Variants in TNFAIP8L3 observed in about 807,000 individuals in gnomAD.
The protein encoded by TNFAIP8L3 is tumor necrosis factor alpha-induced protein 8-like protein 3.
Under a neutral mutation model 11.8 loss-of-function variants are expected in TNFAIP8L3, and 7 were observed. The ratio of observed to expected loss-of-function variants is 0.59; its 90% CI spans 0.34 to 1.11. The LOEUF is 1.11. Among genes scored for constraint, TNFAIP8L3 ranks in the 50% most tolerant of loss-of-function variants. The pLI, the probability that TNFAIP8L3 is intolerant of heterozygous loss-of-function variation, is 0.03. For synonymous variants in TNFAIP8L3, 98 were observed against 103.8 expected (o/e 0.94, Z 0.34); for missense variants, 219 against 258.6 (o/e 0.85, Z 1.05).
intron 1 of TNFAIP8L3, among the ~76,000 whole-genome samples, chr15:51,102,128 A>G (rs562261858): frequency 6.6e-6 from 1 of 152,056 alleles, no homozygotes; most frequent in South Asian, 2.1e-4. Flanking sequence ...GACTTTTTGG[A>G]TTCCTTTGGA....
At chr15:51,068,206 C>T (rs2065284135) in intron 1 of TNFAIP8L3, among the ~76,000 whole-genome samples, 1 of 152,034 alleles carries the variant, frequency 6.6e-6, no homozygotes, top group Non-Finnish European at 1.5e-5. Context: ...TCAAGGATGA[C>T]GATGAGTTGT....
chr15:51,105,186 G>A (rs1322398635), exon 1 of TNFAIP8L3: 2 of 1,612,666 alleles, frequency 1.2e-6, no homozygotes, highest in Admixed American at 1.7e-5. Context: ...TTTGGACTCA[G>A]GTGTCCTTCT....
intron 1 of TNFAIP8L3, among the ~76,000 whole-genome samples, chr15:51,084,183 G>GGTGTGTGT (rs59399155): frequency 6.6e-6 from 1 of 150,420 alleles, no homozygotes; most frequent in East Asian, 2.0e-4. Context: ...GATGTATAGG[G>GGTGTGTGT]GTGTGTGTGT....
At chr15:51,063,212 AG>A (rs1012689709) in intron 1 of TNFAIP8L3, among the ~76,000 whole-genome samples, 7 of 152,242 alleles carry the variant, frequency 4.6e-5, no homozygotes, top group Non-Finnish European at 8.8e-5. Context: ...AATTTGTTAC[AG>A]CAGCAATAGG....
chr15:51,072,828 G>A (rs1550336), intron 1 of TNFAIP8L3, among the ~76,000 whole-genome samples: 90,867 of 151,650 alleles, frequency 0.6, 27,362 homozygotes, highest in Non-Finnish European at 0.62. Flanking sequence ...AATATAACTC[G>A]TAAGTCATGA....
At chr15:51,065,500 G>C (rs2065264857) in intron 1 of TNFAIP8L3, among the ~76,000 whole-genome samples, 1 of 152,198 alleles carries the variant, frequency 6.6e-6, no homozygotes, top group African/African-American at 2.4e-5. Flanking sequence ...TCTTTACCAA[G>C]CTGGGTGAGT....
At chr15:51,099,653 G>A (rs1441068058), upstream of TNFAIP8L3, among the ~76,000 whole-genome samples, 1 of 151,660 alleles carries the variant, frequency 6.6e-6, no homozygotes, top group Non-Finnish European at 1.5e-5. Context: ...CTCCACTGCT[G>A]CATGAGAGCT....
chr15:51,095,139 A>T (rs1165161395), upstream of TNFAIP8L3, among the ~76,000 whole-genome samples: 5 of 146,816 alleles, frequency 3.4e-5, no homozygotes, highest in Admixed American at 3.5e-4. Context: ...TGGGGTTGCC[A>T]GGGTTCGAGT....
At chr15:51,062,828 CCA>C (rs2065249321) in intron 1 of TNFAIP8L3, among the ~76,000 whole-genome samples, 1 of 152,098 alleles carries the variant, frequency 6.6e-6, no homozygotes, top group African/African-American at 2.4e-5. Flanking sequence ...CCAGAGATAT[CCA>C]CATTCTCATA....
intron 1 of TNFAIP8L3, among the ~76,000 whole-genome samples, chr15:51,074,776 A>C (rs1027573747): frequency 2.0e-5 from 3 of 152,204 alleles, no homozygotes; most frequent in Non-Finnish European, 2.9e-5. Flanking sequence ...AGCTGAATCC[A>C]GTGGACCCTC....
rs1419112971 is a variant in TNFAIP8L3 at position 51,094,801 on chromosome 15, C to T, written c.-206G>A. 1.4e-6 allele frequency: 1 copy of T among 712,148 alleles called. No homozygotes were observed. Among genetic ancestry groups the T allele is most frequent in the South Asian group, 6.4e-5 (1 of 15,748 alleles). 44.1% of individuals were successfully genotyped at this position (712,148 alleles called of 1,614,324 possible). On this transcript the variant is annotated 5_prime_UTR_variant, in exon 1 of 2. Coordinates refer to ENST00000637513, the MANE Select transcript of TNFAIP8L3 (RefSeq NM_001311175.2). The surrounding 1 kb of genome is among the most constrained non-coding windows in gnomAD (Gnocchi z 4.4). ...CGCCCCGCTCCCCGCGCCCGCCGGC[C>T]GGTGCCTGCGCGCGAGGCGAGCGCA...
chr15:51,059,907 C>G (rs773552162), intron 1 of TNFAIP8L3, among the ~76,000 whole-genome samples: 6 of 152,218 alleles, frequency 3.9e-5, no homozygotes, highest in Non-Finnish European at 8.8e-5. Flanking sequence ...GTCAGCAGAA[C>G]TAAAGCAGCG....
intron 1 of TNFAIP8L3, among the ~76,000 whole-genome samples, chr15:51,065,887 G>A (rs2065267663): frequency 6.6e-6 from 1 of 152,200 alleles, no homozygotes; most frequent in Non-Finnish European, 1.5e-5. Flanking sequence ...AGTTAAGAGT[G>A]AAGATGGTTC....
chr15:51,062,287 TA>T (rs1393557203), intron 1 of TNFAIP8L3, among the ~76,000 whole-genome samples: 1 of 149,786 alleles, frequency 6.7e-6, no homozygotes, highest in Admixed American at 6.7e-5. Flanking sequence ...AAAAATAAAA[TA>T]AAATAAAATA....
intron 1 of TNFAIP8L3, among the ~76,000 whole-genome samples, chr15:51,070,424 C>T (rs1295479758): frequency 6.6e-6 from 1 of 152,338 alleles, no homozygotes; most frequent in East Asian, 1.9e-4. Context: ...AGTGCTTGCT[C>T]TTCCATGTGC....
intron 1 of TNFAIP8L3, chr15:51,064,509 A>T (rs2065258475): frequency 6.6e-6 from 1 of 152,198 alleles, no homozygotes; most frequent in Admixed American, 6.5e-5. Context: ...ACATATATAT[A>T]TCACATTCTC....
chr15:51,083,843 G>C (rs1401595138), intron 1 of TNFAIP8L3, among the ~76,000 whole-genome samples: 1 of 152,232 alleles, frequency 6.6e-6, no homozygotes, highest in Admixed American at 6.5e-5. Context: ...CCAGTGAGGG[G>C]GGCCACAGAG....
intron 1 of TNFAIP8L3, among the ~76,000 whole-genome samples, chr15:51,063,272 T>C (rs1473323067): frequency 6.6e-6 from 1 of 152,354 alleles, no homozygotes; most frequent in East Asian, 1.9e-4. Flanking sequence ...TGATTTTCTT[T>C]GATTAGGGAA....
chr15:51,059,357 A>G (rs564478390), intron 1 of TNFAIP8L3, among the ~76,000 whole-genome samples: 1 of 152,402 alleles, frequency 6.6e-6, no homozygotes, highest in South Asian at 2.1e-4. Flanking sequence ...TTCAATAAGT[A>G]TAAATAAAAA....
Sources: gnomAD v4.1 joint callset for allele counts (sites outside exome capture counted in the v4.1 genomes callset) on GRCh38, gnomAD v4.1.1 for gene constraint, Gnocchi (gnomAD v3.1) non-coding constraint, MANE v1.5 for transcripts, NCBI Gene and HGNC (gene_info 2026-07-23, HGNC 2026-07-21) for gene names.